SLC4A4: variants seen among roughly 807,000 people sequenced by gnomAD.
SLC4A4 encodes solute carrier family 4 member 4.
SLC4A4 carries 27 observed loss-of-function variants against 111.5 expected under a neutral mutation model. That is an observed-to-expected ratio of 0.24 (90% CI 0.18 to 0.33). The LOEUF (loss-of-function observed/expected upper bound fraction) is 0.33. Ranked by LOEUF, SLC4A4 falls within the 10% of genes least tolerant of loss-of-function variation. The pLI, the probability that SLC4A4 is intolerant of heterozygous loss-of-function variation, is 1.00. For synonymous variants in SLC4A4, 443 were observed against 463.4 expected, an observed-to-expected ratio of 0.96 and a Z score of 0.57; for missense variants, 909 against 1,315.5, an observed-to-expected ratio of 0.69 and a Z score of 4.78.
intron 2 of SLC4A4, among the ~76,000 whole-genome samples, chr4:71,125,734 A>G (rs1187027642): frequency 2.0e-5 from 3 of 152,360 alleles, no homozygotes; most frequent in South Asian, 4.1e-4. Flanking sequence ...TTAGCAAGAT[A>G]TTAATAAACT....
chr4:71,388,533 T>TATTCATTC lies in SLC4A4; in HGVS notation c.731-9021_731-9014dup, dbSNP rs201599029. Among the ~76,000 whole-genome samples, 941 of 151,928 alleles carry TATTCATTC rather than the reference T, an allele frequency of 6.2e-3. 9 individuals are homozygous for TATTCATTC. The highest frequency in any genetic ancestry group is 0.055 in the South Asian group (265 of 4,786). On this transcript the variant is annotated intron_variant, in intron 6 of 25. Coordinates refer to ENST00000264485, the MANE Select transcript of SLC4A4 (RefSeq NM_001098484.3). ...AGAAATGAAGCTACCTATTATATTA[T>TATTCATTC]ATTCATTCATTCATTCATTCATTCA...
intron 3 of SLC4A4, among the ~76,000 whole-genome samples, chr4:71,327,692 T>C (rs1311473701): frequency 6.6e-6 from 1 of 152,044 alleles, no homozygotes; most frequent in Non-Finnish European, 1.5e-5. Flanking sequence ...TTTTTATTTT[T>C]TATTTTTATG....
chr4:71,490,515 G>A (rs1480375412), intron 15 of SLC4A4, among the ~76,000 whole-genome samples: 1 of 151,622 alleles, frequency 6.6e-6, no homozygotes, highest in Non-Finnish European at 1.5e-5. Context: ...ATCTTTCTTT[G>A]CCCAAATACT....
At chr4:71,534,502 C>T (rs577275032) in intron 18 of SLC4A4, 114 bp downstream of exon 18, 2 of 930,018 alleles carry the variant, frequency 2.2e-6, no homozygotes, top group East Asian at 5.1e-5. Flanking sequence ...AGCTAATGTT[C>T]CTTAAGAGTC....
intron 23 of SLC4A4, among the ~76,000 whole-genome samples, chr4:71,561,356 A>G (rs1296502086): frequency 1.3e-5 from 2 of 151,826 alleles, no homozygotes; most frequent in Non-Finnish European, 2.9e-5. Context: ...AAAATTGTAT[A>G]TATGTAAGGT....
chr4:71,086,618 T>G (rs1337375386), intron 1 of SLC4A4, among the ~76,000 whole-genome samples: 1 of 151,944 alleles, frequency 6.6e-6, no homozygotes, highest in Non-Finnish European at 1.5e-5. Context: ...GCATGAAGGG[T>G]TGTTGAATTT....
intron 16 of SLC4A4, among the ~76,000 whole-genome samples, chr4:71,500,907 TC>T (rs1311696420): frequency 2.0e-5 from 3 of 152,234 alleles, no homozygotes; most frequent in Admixed American, 2.0e-4. Context: ...CCAGCTTTCC[TC>T]TTTTTGCTCA....
chr4:71,100,559 C>T (rs1742696891), intron 2 of SLC4A4, among the ~76,000 whole-genome samples: 1 of 152,132 alleles, frequency 6.6e-6, no homozygotes, highest in South Asian at 2.1e-4. Context: ...CCCTTTCCCA[C>T]AACATCTATT....
rs1184310535 is a variant in SLC4A4 at position 71,570,905 on chromosome 4, G to T, written c.*3154G>T. 6.6e-6 allele frequency: 1 copy of T among 152,166 alleles called. No homozygotes were observed. Among genetic ancestry groups the T allele is most frequent in the East Asian group, 1.9e-4 (1 of 5,138 alleles). The allele number at this position is 152,166 out of a possible 1,614,324, so 9.4% of individuals were successfully genotyped here. A position where few individuals can be genotyped will look rare whatever the true frequency, so the allele number is the denominator to read the frequency against. On this transcript the variant is annotated 3_prime_UTR_variant, in exon 26 of 26. Coordinates refer to ENST00000264485, the MANE Select transcript of SLC4A4 (RefSeq NM_001098484.3). ...TGTCCCTGCCTCTTCTCCCAATCAA[G>T]GTTGAGGAGTGGGGCTGGGGAGAGG...
chr4:71,084,483 C>G (rs1260694011), intron 1 of SLC4A4, among the ~76,000 whole-genome samples: 2 of 151,844 alleles, frequency 1.3e-5, no homozygotes, highest in African/African-American at 4.9e-5. Context: ...ATACATGTGC[C>G]ATGTTGGTGT....
intron 1 of SLC4A4, among the ~76,000 whole-genome samples, chr4:71,068,344 C>T (rs146290467): frequency 0.012 from 1,863 of 150,462 alleles, 42 homozygotes; most frequent in African/African-American, 0.043. Context: ...GGATTACAGG[C>T]GTGAGCCACT....
At chr4:71,145,085 T>C (rs531768972) in intron 2 of SLC4A4, among the ~76,000 whole-genome samples, 1 of 152,352 alleles carries the variant, frequency 6.6e-6, no homozygotes, top group South Asian at 2.1e-4. Context: ...GCTGTGCGTT[T>C]GTCATAGATA....
intron 16 of SLC4A4, among the ~76,000 whole-genome samples, chr4:71,501,783 TC>T: frequency 6.6e-6 from 1 of 151,884 alleles, no homozygotes; most frequent in South Asian, 2.1e-4. Flanking sequence ...TGCCTCAGCC[TC>T]CCAGGTAGCT....
At chr4:71,281,879 C>T (rs1040721525) in intron 3 of SLC4A4, among the ~76,000 whole-genome samples, 1 of 151,082 alleles carries the variant, frequency 6.6e-6, no homozygotes, top group Admixed American at 6.6e-5. Flanking sequence ...CAATACGTAG[C>T]ACTGGTGACT....
chr4:71,406,017 T>A (rs537356681), intron 7 of SLC4A4, among the ~76,000 whole-genome samples: 1 of 151,698 alleles, frequency 6.6e-6, no homozygotes, highest in Non-Finnish European at 1.5e-5. Flanking sequence ...TGTGAGAATT[T>A]CCTTGGCAAC....
chr4:71,274,066 A>G (rs1722896257), intron 3 of SLC4A4, among the ~76,000 whole-genome samples: 1 of 152,216 alleles, frequency 6.6e-6, no homozygotes, highest in Admixed American at 6.5e-5. Context: ...TTAACTACTA[A>G]TAGCCTACTG....
At chr4:71,369,185 G>T (rs925665897) in intron 6 of SLC4A4, among the ~76,000 whole-genome samples, 2 of 152,270 alleles carry the variant, frequency 1.3e-5, no homozygotes, top group African/African-American at 4.8e-5. Flanking sequence ...CGGTGGTCGG[G>T]AGAGGGAGGG....
At chr4:71,086,610 A>C (rs995920081) in intron 1 of SLC4A4, among the ~76,000 whole-genome samples, 1 of 152,058 alleles carries the variant, frequency 6.6e-6, no homozygotes, top group African/African-American at 2.4e-5. Flanking sequence ...AGTTTTTAGC[A>C]TGAAGGGTTG....
chr4:71,541,402 G>A (rs1735041565), intron 18 of SLC4A4, among the ~76,000 whole-genome samples: 1 of 152,098 alleles, frequency 6.6e-6, no homozygotes, highest in Admixed American at 6.6e-5. Context: ...TTTGCATGGA[G>A]CACTGAAAGG....
Sources: gnomAD v4.1 joint callset for allele counts (sites outside exome capture counted in the v4.1 genomes callset) on GRCh38, gnomAD v4.1.1 for gene constraint, MANE v1.5 for transcripts, NCBI Gene and HGNC (gene_info 2026-07-23, HGNC 2026-07-21) for gene names.